BMERB1: variants seen among roughly 807,000 people sequenced by gnomAD.
The protein encoded by BMERB1 is bMERB domain-containing protein 1.
BMERB1 carries 12 observed loss-of-function variants against 23.6 expected under a neutral mutation model. The observed-to-expected ratio is 0.51, with a 90% CI of 0.33 to 0.82. The LOEUF is 0.82. Among genes scored for constraint, BMERB1 ranks in the 40% least tolerant of loss-of-function variants. The pLI is 0.03. For synonymous variants in BMERB1, 122 were observed against 96.6 expected, an observed-to-expected ratio of 1.26 and a Z score of -1.54; for missense variants, 247 against 255.4, an observed-to-expected ratio of 0.97 and a Z score of 0.22.
intron 2 of BMERB1, among the ~76,000 whole-genome samples, chr16:15,541,599 ATTTTT>A (rs962962059): frequency 2.3e-5 from 2 of 87,882 alleles, no homozygotes; most frequent in Admixed American, 2.4e-4. Flanking sequence ...CTAATTTTTA[ATTTTT>A]TTTTTTTTTT....
chr16:15,445,849 G>A (rs1194185601), intron 1 of BMERB1, among the ~76,000 whole-genome samples: 1 of 152,014 alleles, frequency 6.6e-6, no homozygotes, highest in Non-Finnish European at 1.5e-5. Context: ...GCTTTTTTAG[G>A]AATAGCCCCA....
At chr16:15,463,632 G>A (rs1313742406) in intron 1 of BMERB1, among the ~76,000 whole-genome samples, 1 of 152,126 alleles carries the variant, frequency 6.6e-6, no homozygotes, top group Non-Finnish European at 1.5e-5. Flanking sequence ...TATTTTCAGT[G>A]TAGCCTTAAC....
At chr16:15,498,913 C>T (rs1041169444) in intron 1 of BMERB1, among the ~76,000 whole-genome samples, 8 of 152,212 alleles carry the variant, frequency 5.3e-5, no homozygotes. Context: ...AAAGAAGCGT[C>T]CAACTCCAAA....
chr16:15,504,974 T>C (rs2051571361), intron 1 of BMERB1, among the ~76,000 whole-genome samples: 2 of 152,042 alleles, frequency 1.3e-5, no homozygotes, highest in Non-Finnish European at 2.9e-5. Flanking sequence ...TAATTGCCTT[T>C]GTTATATGAG....
At position 15,480,606 on chromosome 16, in the gene BMERB1, C is replaced by CTTTTTTTTTTTTTTTTT. The variant is rs1159247360; in HGVS notation, c.107-34690_107-34674dup. 5.1e-5 allele frequency among the ~76,000 whole-genome samples: 3 copies of CTTTTTTTTTTTTTTTTT among 58,962 alleles called. 1 individual carries two copies. 38.7% of individuals were successfully genotyped at this position (58,962 alleles called of 152,430 possible). Reference sequence around the variant, plus strand: ...TTCATCCATATGCCAATTCCACTGTCTTTTTTTTTTTTTTTTTTTTTTTTT... The same window carrying CTTTTTTTTTTTTTTTTT: ...TTCATCCATATGCCAATTCCACTGTCTTTTTTTTTTTTTTTTTTTTTTTTTTTTTTTTTTTTTTTTTT... On this transcript the variant is annotated intron_variant, in intron 1 of 5. Transcript: ENST00000300006.
intron 1 of BMERB1, among the ~76,000 whole-genome samples, chr16:15,483,595 G>T (rs2051342527): frequency 6.6e-6 from 1 of 152,046 alleles, no homozygotes; most frequent in African/African-American, 2.4e-5. Context: ...GGCCAGGCTG[G>T]TCTCGAACTC....
At chr16:15,557,182 C>A (rs370749838) in intron 2 of BMERB1, among the ~76,000 whole-genome samples, 1 of 152,192 alleles carries the variant, frequency 6.6e-6, no homozygotes, top group East Asian at 1.9e-4. Context: ...CCTATCGTCC[C>A]AGCGTGAAAG....
chr16:15,438,058 A>G (rs2050904094), intron 1 of BMERB1, among the ~76,000 whole-genome samples: 2 of 151,888 alleles, frequency 1.3e-5, no homozygotes, highest in South Asian at 2.1e-4. Context: ...ACAGCTCCTG[A>G]TCTGTACTTG....
Position 15,586,814 on chromosome 16 carries a change from G to A in BMERB1, c.600G>A (p.Gln200=). Residue 200 remains glutamine, a synonymous_variant, in exon 6 of 6, where the codon CAG becomes CAA. Coordinates refer to ENST00000300006, the MANE Select transcript of BMERB1 (RefSeq NM_033201.3). ...TCAAGGATTGTTGCGGGGCCACCCA[G>A]TGCAACATCATGTAGCCCCCACGTG... ...ALIKDCCGAT[Q]CNIM is the part of the protein sequence containing the mutation. 1 of 1,607,822 alleles carries A rather than the reference G, an allele frequency of 6.2e-7. No homozygotes were observed. The highest frequency in any genetic ancestry group is 8.5e-7 in the Non-Finnish European group (1 of 1,177,540).
At chr16:15,554,122 C>T (rs1209318327) in intron 2 of BMERB1, among the ~76,000 whole-genome samples, 1 of 152,100 alleles carries the variant, frequency 6.6e-6, no homozygotes, top group South Asian at 2.1e-4. Flanking sequence ...CAAGTTGTGC[C>T]CTCCCCTGTA....
intron 1 of BMERB1, among the ~76,000 whole-genome samples, chr16:15,495,520 C>G (rs1426441323): frequency 6.6e-6 from 1 of 152,172 alleles, no homozygotes; most frequent in Non-Finnish European, 1.5e-5. Flanking sequence ...CATCTGCCAC[C>G]ACGCCTGGCT....
chr16:15,505,168 G>C (rs1469475471), intron 1 of BMERB1, among the ~76,000 whole-genome samples: 1 of 152,002 alleles, frequency 6.6e-6, no homozygotes, highest in Non-Finnish European at 1.5e-5. Context: ...GTATGAGGCT[G>C]ACCAAAACGT....
At chr16:15,574,793 C>T (rs1390353852) in intron 3 of BMERB1, among the ~76,000 whole-genome samples, 1 of 152,150 alleles carries the variant, frequency 6.6e-6, no homozygotes, top group East Asian at 1.9e-4. Flanking sequence ...AATCGGGGGT[C>T]AAGGCCAGGT....
chr16:15,440,286 T>C (rs915652902), intron 1 of BMERB1, among the ~76,000 whole-genome samples: 4 of 144,756 alleles, frequency 2.8e-5, no homozygotes, highest in Admixed American at 1.4e-4. Context: ...ACAGACATAG[T>C]GCTGGAAATA....
chr16:15,534,325 A>C (rs2052003768), intron 2 of BMERB1, among the ~76,000 whole-genome samples: 1 of 143,630 alleles, frequency 7.0e-6, no homozygotes, highest in Admixed American at 7.1e-5. Context: ...AGAAAAGGCC[A>C]GGCGCGGTGG....
chr16:15,448,009 C>T, intron 1 of BMERB1: 1 of 426,572 alleles, frequency 2.3e-6, no homozygotes, highest in Non-Finnish European at 4.7e-6. Context: ...CCTGCCTCAG[C>T]CTCCTGAGTA....
chr16:15,475,126 T>C (rs2051264273), intron 1 of BMERB1, among the ~76,000 whole-genome samples: 1 of 152,282 alleles, frequency 6.6e-6, no homozygotes, highest in Non-Finnish European at 1.5e-5. Flanking sequence ...AGTGCTGCAT[T>C]GCTTCCTGGT....
At chr16:15,522,676 G>A (rs949832098) in intron 2 of BMERB1, among the ~76,000 whole-genome samples, 1 of 152,136 alleles carries the variant, frequency 6.6e-6, no homozygotes, top group Non-Finnish European at 1.5e-5. Flanking sequence ...TCTAAGTCCA[G>A]ATGAAATGGG....
rs145894470 is a variant in BMERB1 at position 15,452,171 on chromosome 16, C to T, written c.106+17412C>T. 4.3e-3 allele frequency among the ~76,000 whole-genome samples: 646 copies of T among 151,234 alleles called. 7 individuals are homozygous for T. Among genetic ancestry groups the T allele is most frequent in the Admixed American group, 6.9e-3 (105 of 15,136 alleles). On this transcript the variant is annotated intron_variant, in intron 1 of 5. Coordinates refer to ENST00000300006, the MANE Select transcript of BMERB1 (RefSeq NM_033201.3). Reference sequence around the variant, plus strand: ...GGGCGTGCACCTGTAGTCCTAGCTACTTGAGAGGCTGAGGCAGGAGGATTG... The same window carrying T: ...GGGCGTGCACCTGTAGTCCTAGCTATTTGAGAGGCTGAGGCAGGAGGATTG...
Sources: gnomAD v4.1 joint callset for allele counts (sites outside exome capture counted in the v4.1 genomes callset) on GRCh38, gnomAD v4.1.1 for gene constraint, MANE v1.5 for transcripts, NCBI Gene and HGNC (gene_info 2026-07-23, HGNC 2026-07-21) for gene names.